The following WDR75 variants were observed in gnomAD, a reference collection of about 807,000 sequenced individuals.
WDR75 encodes the protein WD repeat-containing protein 75.
Under a neutral mutation model 106.1 loss-of-function variants are expected in WDR75, and 52 were observed. That is an observed-to-expected ratio of 0.49 (90% CI 0.39 to 0.62). The LOEUF is 0.62. WDR75 is among the 20% of genes least tolerant of loss of function. The pLI is 0.00. For missense variants in WDR75, 905 were observed against 970.3 expected, an observed-to-expected ratio of 0.93 and a Z score of 0.89; for synonymous variants, 333 against 335.5, an observed-to-expected ratio of 0.99 and a Z score of 0.08.
chr2:189,443,577 G>C (rs1237251091), intron 1 of WDR75, among the ~76,000 whole-genome samples: 5 of 152,182 alleles, frequency 3.3e-5, no homozygotes, highest in African/African-American at 1.2e-4. Context: ...ATGTTGGTGA[G>C]TGGAGAAATG....
chr2:189,455,922 G>A (rs1338426308), intron 5 of WDR75, among the ~76,000 whole-genome samples: 3 of 152,008 alleles, frequency 2.0e-5, no homozygotes, highest in African/African-American at 7.2e-5. Flanking sequence ...ATTGCAGCAT[G>A]TGTGTATACT....
chr2:189,470,873 A>G lies in WDR75; in HGVS notation c.2044A>G (p.Lys682Glu). ...SPEEKLTPTS[K>E]QLLAEESLPT... ...AGAAGAAAAACTCACACCAACAAGC[A>G]AACAGGTATGTTTTAGCCATTCATA... is the stretch of plus-strand genomic sequence containing the variant. Residue 682 changes from lysine (K) to glutamate (E), a missense_variant, in exon 18 of 21, where the codon AAA becomes GAA. Lys to Glu is a moderately conservative substitution (Grantham distance 56). Coordinates refer to ENST00000314761, the MANE Select transcript of WDR75 (RefSeq NM_032168.3). 6.2e-7 allele frequency: 1 copy of G among 1,603,074 alleles called. No individual in the cohort carries two copies. The highest frequency in any genetic ancestry group is 8.5e-7 in the Non-Finnish European group (1 of 1,175,794).
intron 6 of WDR75, among the ~76,000 whole-genome samples, chr2:189,458,437 T>C (rs371276715): frequency 2.6e-4 from 39 of 151,924 alleles, no homozygotes; most frequent in African/African-American, 9.5e-4. Flanking sequence ...AATGAGAAAT[T>C]TGAACAAGCT....
At chr2:189,451,459 A>C (rs1243177996) in intron 3 of WDR75, among the ~76,000 whole-genome samples, 1 of 152,216 alleles carries the variant, frequency 6.6e-6, no homozygotes, top group Non-Finnish European at 1.5e-5. Flanking sequence ...ATGAGAGTTA[A>C]AACTGAAAAT....
At position 189,462,595 on chromosome 2, in the gene WDR75, C is replaced by T; in HGVS notation, c.890C>T (p.Ser297Leu). Residue 297 changes from serine to leucine, a missense_variant, in exon 9 of 21, where the codon TCA (serine) becomes TTA (leucine). Ser to Leu is a moderately radical substitution (Grantham distance 145). Coordinates refer to ENST00000314761, the MANE Select transcript of WDR75 (RefSeq NM_032168.3). Reference protein sequence around the residue: ...PRLGATIEHISVSPAGDLFCT... With the variant: ...PRLGATIEHILVSPAGDLFCT... ...TTAGGAGCTACTATTGAACATATCT[C>T]AGTCTCGCCTGCAGGAGATTTATTC... 6.2e-7 allele frequency: 1 copy of T among 1,614,018 alleles called. No individual in the cohort carries two copies. Among genetic ancestry groups the T allele is most frequent in the African/African-American group, 1.3e-5 (1 of 75,016 alleles).
At chr2:189,468,135 C>T (rs554990035) in intron 14 of WDR75, among the ~76,000 whole-genome samples, 1 of 152,240 alleles carries the variant, frequency 6.6e-6, no homozygotes, top group South Asian at 2.1e-4. Flanking sequence ...GTAAAACTTT[C>T]TTCACAATTG....
chr2:189,469,835 GC>G (rs557315380), intron 16 of WDR75, among the ~76,000 whole-genome samples: 8 of 152,026 alleles, frequency 5.3e-5, no homozygotes, highest in Non-Finnish European at 1.0e-4. Flanking sequence ...TCTGCAGTGG[GC>G]CCTGGCCTCT....
intron 5 of WDR75, 150 bp downstream of exon 5, chr2:189,455,594 A>G: frequency 4.9e-6 from 5 of 1,014,676 alleles, no homozygotes; most frequent in Non-Finnish European, 4.2e-6. Flanking sequence ...TTGCTTTAGC[A>G]TGTATTTATG....
intron 12 of WDR75, among the ~76,000 whole-genome samples, chr2:189,465,681 C>G (rs773914028): frequency 2.0e-5 from 3 of 152,146 alleles, no homozygotes; most frequent in Non-Finnish European, 4.4e-5. Flanking sequence ...AACCACTTAA[C>G]AGATCTTTGC....
chr2:189,469,382 C>T lies in WDR75; in HGVS notation c.1762C>T (p.Pro588Ser), dbSNP rs1574203625. Residue 588 changes from proline to serine, a missense_variant, in exon 16 of 21, where the codon CCC becomes TCC. Coordinates refer to ENST00000314761, the MANE Select transcript of WDR75 (RefSeq NM_032168.3). Reference protein sequence around the residue: ...NAKLNVRVMEPDPNSENIAAI... With the variant: ...NAKLNVRVMESDPNSENIAAI... ...AAAATTAAATGTTAGAGTTATGGAA[C>T]CCGATCCTAATTCAGAGAATATTGC... is the stretch of plus-strand genomic sequence containing the variant. The T allele has an allele frequency of 6.2e-7, 1 of 1,613,418 alleles. No individual in the cohort carries two copies.
At chr2:189,460,072 A>T (rs80169162) in intron 8 of WDR75, among the ~76,000 whole-genome samples, 3,654 of 152,356 alleles carry the variant, frequency 0.024, 159 homozygotes, top group African/African-American at 0.084. Flanking sequence ...GGTCTTCAAC[A>T]GAAATACAGG....
Position 189,441,501 on chromosome 2 carries a change from G to A in WDR75, c.9G>A (p.Glu3=), listed in dbSNP as rs536271576. ...TCCGCTACTGCGCAAAGATGGTGGA[G>A]GAGGAGAACATCCGCGTGGTTCGTT... is the stretch of plus-strand genomic sequence containing the variant. The part of the protein sequence containing the change: MV[E]EENIRVVRCG... Residue 3 remains glutamate (E), a synonymous_variant, in exon 1 of 21, where the codon GAG becomes GAA. Coordinates refer to ENST00000314761, the MANE Select transcript of WDR75 (RefSeq NM_032168.3). 1.3e-6 allele frequency: 2 copies of A among 1,563,590 alleles called. No homozygotes were observed. Among genetic ancestry groups the A allele is most frequent in the Admixed American group, 1.9e-5 (1 of 52,756 alleles).
chr2:189,464,194 G>A lies in WDR75; in HGVS notation c.1113+233G>A, dbSNP rs1686955761. ...CCTGTACGTGCTGTCTCTGTCTTTT[G>A]TTTCAGAATGCCCTCCTATTAGCTA... On this transcript the variant is annotated intron_variant, in intron 11 of 20. Transcript: ENST00000314761. The A allele has an allele frequency of 1.0e-5, 5 of 490,964 alleles. No homozygotes were observed. The East Asian group carries it at 1.7e-4, about 17-fold the overall frequency. 30.4% of individuals were successfully genotyped at this position (490,964 alleles called of 1,614,324 possible).
intron 9 of WDR75, 72 bp from the exon 10 acceptor site, chr2:189,463,622 C>A (rs1010232555): frequency 1.3e-6 from 2 of 1,483,266 alleles, no homozygotes; most frequent in Non-Finnish European, 9.3e-7. Context: ...TAAAAAGCCA[C>A]CCTGAGCCAC....
intron 1 of WDR75, 118 bp downstream of exon 1, chr2:189,441,696 G>A: frequency 1.7e-6 from 2 of 1,177,238 alleles, no homozygotes; most frequent in South Asian, 1.3e-5. Flanking sequence ...TCGGCTTTGG[G>A]TAGAGCACGC....
chr2:189,473,248 T>C (rs1687150737), intron 18 of WDR75, among the ~76,000 whole-genome samples: 1 of 151,858 alleles, frequency 6.6e-6, no homozygotes, highest in Non-Finnish European at 1.5e-5. Context: ...GAGAAAAATA[T>C]ATTTATTCAT....
At chr2:189,457,830 G>A (rs1447654203) in intron 6 of WDR75, among the ~76,000 whole-genome samples, 1 of 151,892 alleles carries the variant, frequency 6.6e-6, no homozygotes, top group African/African-American at 2.4e-5. Context: ...ACTGATGAAT[G>A]AGGTGACGTA....
At chr2:189,448,539 A>C (rs565022703) in intron 2 of WDR75, 31 bp downstream of exon 2, 51 of 1,602,804 alleles carry the variant, frequency 3.2e-5, no homozygotes, top group Middle Eastern at 1.7e-4. Context: ...GAATACTTTA[A>C]GACTGGCTTT....
In WDR75 at chr2:189,451,046, A is replaced by G. The variant is rs115060734; in HGVS notation, c.282+78A>G. 8.0e-4 allele frequency: 1,158 copies of G among 1,450,446 alleles called. 8 individuals carry two copies. The African/African-American group carries it at 0.015, about 19-fold the overall frequency. 89.8% of individuals were successfully genotyped at this position (1,450,446 alleles called of 1,614,324 possible). On this transcript the variant is annotated intron_variant, in intron 3 of 20. Transcript: ENST00000314761. ...ATTTAATGGTAGATGTACTGTTTCT[A>G]TAAGGCCAAATATTTAAATAGACTT...
Sources: gnomAD v4.1 joint callset for allele counts (sites outside exome capture counted in the v4.1 genomes callset) on GRCh38, gnomAD v4.1.1 for gene constraint, MANE v1.5 for transcripts, NCBI Gene and HGNC (gene_info 2026-07-23, HGNC 2026-07-21) for gene names.